LRRC27: variants seen among roughly 807,000 people sequenced by gnomAD.
LRRC27 encodes leucine-rich repeat-containing protein 27.
Under a neutral mutation model 55.0 loss-of-function variants are expected in LRRC27, and 57 were observed. That is an observed-to-expected ratio of 1.04 (90% confidence interval 0.84 to 1.29). The LOEUF (loss-of-function observed/expected upper bound fraction) is 1.29. LRRC27 is among the 50% of genes most tolerant of loss of function. LRRC27 has a pLI of 0.00. For missense variants in LRRC27, 721 were observed against 651.5 expected (o/e 1.11, Z -1.16); for synonymous variants, 278 against 251.9 (o/e 1.10, Z -0.98).
intron 8 of LRRC27, 111 bp from the exon 9 acceptor site, chr10:132,361,346 G>T (rs904092543): frequency 2.1e-6 from 2 of 932,828 alleles, no homozygotes; most frequent in African/African-American, 3.2e-5. Context: ...GGGCGGCCTC[G>T]GACCCACCTC....
chr10:132,352,199 CGCTGAGGCCTCCGTGTGGGGCAGGT>C (rs1564839959), intron 7 of LRRC27, among the ~76,000 whole-genome samples: 7 of 62,704 alleles, frequency 1.1e-4, no homozygotes, highest in Admixed American at 1.6e-4. Flanking sequence ...GTGGGGCAGG[CGCTGAGGCCTCCGTGTGGGGCAGGT>C]GCAGCGCTCG....
chr10:132,350,210 G>T (rs2067938832), intron 6 of LRRC27, among the ~76,000 whole-genome samples: 1 of 152,170 alleles, frequency 6.6e-6, no homozygotes, highest in Admixed American at 6.5e-5. Context: ...GGTAAATAAT[G>T]GTCTGGTCCT....
At chr10:132,354,087 C>T (rs546427557) in intron 7 of LRRC27, among the ~76,000 whole-genome samples, 3 of 152,270 alleles carry the variant, frequency 2.0e-5, no homozygotes, top group South Asian at 4.1e-4. Flanking sequence ...TGTGATGAGA[C>T]CTTCCGCAGG....
intron 3 of LRRC27, among the ~76,000 whole-genome samples, chr10:132,339,828 A>G (rs1260382380): frequency 6.6e-6 from 1 of 152,232 alleles, no homozygotes; most frequent in African/African-American, 2.4e-5. Context: ...TGTTTTCCCT[A>G]AAATAAGTGT....
In LRRC27 at chr10:132,333,966, G is replaced by C. The variant is rs1218848039; in HGVS notation, c.210+232G>C. ...TACATCTATTTAGATGAAGGTGTCT[G>C]TTCTCTTCCTTGCAGTTCATCTCTC... On this transcript the variant is annotated intron_variant, in intron 2 of 10. Transcript: ENST00000368614. Among the ~76,000 whole-genome samples, 3 of 152,206 alleles carry C rather than the reference G, an allele frequency of 2.0e-5. No individual in the cohort carries two copies. The East Asian group carries it at 5.8e-4, about 29-fold the overall frequency.
At chr10:132,364,061 C>G (rs375603384) in intron 9 of LRRC27, among the ~76,000 whole-genome samples, 1 of 152,000 alleles carries the variant, frequency 6.6e-6, no homozygotes, top group Admixed American at 6.6e-5. Context: ...CACAGTGGCC[C>G]GCTAACCCCC....
intron 10 of LRRC27, among the ~76,000 whole-genome samples, chr10:132,370,067 C>T (rs2069179553): frequency 6.6e-6 from 1 of 152,210 alleles, no homozygotes; most frequent in Admixed American, 6.5e-5. Context: ...ACAACTGGCC[C>T]TACGGTGACA....
rs1037196861 is a variant in LRRC27 at position 132,375,334 on chromosome 10, C to T, written c.*92C>T. ...CGCCTCCTGTGTGGTGCCGGAAGAG[C>T]GCCAGGTTCAGTGTTACCCTGAGGG... On this transcript the variant is annotated 3_prime_UTR_variant, in exon 11 of 11. Coordinates refer to ENST00000368614, the MANE Select transcript of LRRC27 (RefSeq NM_030626.3). 17 of 1,255,824 alleles carry T rather than the reference C, an allele frequency of 1.4e-5. No individual in the cohort carries two copies. Among genetic ancestry groups the T allele is most frequent in the Admixed American group, 4.4e-5 (2 of 44,948 alleles). 77.8% of individuals were successfully genotyped at this position (1,255,824 alleles called of 1,614,324 possible).
chr10:132,357,174 G>A (rs975568365), intron 8 of LRRC27, among the ~76,000 whole-genome samples: 1 of 152,234 alleles, frequency 6.6e-6, no homozygotes, highest in Non-Finnish European at 1.5e-5. Flanking sequence ...AAGGCTCAGA[G>A]TTAGGAATTC....
intron 7 of LRRC27, chr10:132,353,188 G>C (rs1750430890): frequency 7.1e-7 from 1 of 1,400,466 alleles, no homozygotes; most frequent in Non-Finnish European, 9.3e-7. Flanking sequence ...GGGAGAGCGA[G>C]GGCCTCGTCT....
In LRRC27 at chr10:132,374,754, T is replaced by C. The variant is rs746748826; in HGVS notation, c.1417-312T>C. Among the ~76,000 whole-genome samples, 11 of 152,180 alleles carry C rather than the reference T, an allele frequency of 7.2e-5. No homozygotes were observed. The highest frequency in any genetic ancestry group is 1.2e-4 in the Non-Finnish European group (8 of 68,010). ...GATGCCCTGAGTCTCTGTTCATCCA[T>C]TGACCTGTGCAGATGCACAGGACAC... is the stretch of plus-strand genomic sequence containing the variant. On this transcript the variant is annotated intron_variant, in intron 10 of 10. Transcript: ENST00000368614. This position sits in a 1 kb window ranked among gnomAD's most constrained non-coding sequence, Gnocchi z 4.4.
upstream of LRRC27, chr10:132,331,813 A>C (rs752752764): frequency 6.3e-6 from 10 of 1,578,510 alleles, no homozygotes; most frequent in South Asian, 1.1e-4. Flanking sequence ...CCCGTCGACC[A>C]CCACCCCTTC....
chr10:132,349,073 G>A (rs771587167), intron 6 of LRRC27: 1 of 1,540,942 alleles, frequency 6.5e-7, no homozygotes, highest in Non-Finnish European at 8.9e-7. Flanking sequence ...TATCTGTGGT[G>A]TGCGTGTGTG....
chr10:132,335,890 C>T (rs2067104810), intron 2 of LRRC27, among the ~76,000 whole-genome samples: 1 of 152,156 alleles, frequency 6.6e-6, no homozygotes, highest in Admixed American at 6.5e-5. Flanking sequence ...AGTAAACTTT[C>T]ATCTTAGACT....
chr10:132,337,408 T>A, intron 2 of LRRC27, 157 bp from the exon 3 acceptor site: 6 of 1,419,558 alleles, frequency 4.2e-6, no homozygotes, highest in Non-Finnish European at 4.6e-6. Flanking sequence ...GTCTACTGTT[T>A]ACATCTTTTA....
In LRRC27 at chr10:132,333,538, G is replaced by A; in HGVS notation, c.14G>A (p.Ser5Asn). Residue 5 changes from serine to asparagine, a missense_variant, in exon 2 of 11, where the codon AGC (serine) becomes AAC (asparagine). By Grantham distance (46) the Ser-to-Asn change is conservative. Transcript: ENST00000368614. ...GGAAGAGAACGGATGGAGGGAAGCA[G>A]CTCCTACGAAGTTCCCTCTGTGGCT... is the stretch of plus-strand genomic sequence containing the variant. The part of the protein sequence containing the change: MEGS[S>N]SYEVPSVAAA... The A allele has an allele frequency of 6.2e-7, 1 of 1,603,876 alleles. No individual in the cohort carries two copies. Among genetic ancestry groups the A allele is most frequent in the South Asian group, 1.1e-5 (1 of 90,098 alleles).
chr10:132,343,995 C>T (rs1454589940), intron 4 of LRRC27, among the ~76,000 whole-genome samples: 1 of 152,210 alleles, frequency 6.6e-6, no homozygotes, highest in African/African-American at 2.4e-5. Flanking sequence ...TTTGTGGAGT[C>T]CTTGTATTCT....
chr10:132,362,559 G>A (rs1464639852), intron 9 of LRRC27, among the ~76,000 whole-genome samples: 5 of 152,292 alleles, frequency 3.3e-5, no homozygotes, highest in Admixed American at 2.0e-4. Context: ...GCCTTGAGGG[G>A]AGGGGAGGGG....
chr10:132,353,256 CCTT>C (rs2068153902), intron 7 of LRRC27: 44 of 1,275,440 alleles, frequency 3.4e-5, no homozygotes, highest in Non-Finnish European at 4.3e-5. Flanking sequence ...GCCTCTCCCT[CCTT>C]CTGGGTTCCG....
Sources: allele counts gnomAD v4.1 joint callset (sites outside exome capture counted in the v4.1 genomes callset), GRCh38; gene constraint gnomAD v4.1.1; non-coding constraint Gnocchi (gnomAD v3.1); transcripts MANE v1.5; gene names NCBI Gene and HGNC (gene_info 2026-07-23, HGNC 2026-07-21).